WWTR1: variants seen among roughly 807,000 people sequenced by gnomAD.
WWTR1 encodes the protein WW domain-containing transcription regulator protein 1.
A neutral mutation model predicts 40.1 loss-of-function variants in WWTR1; 13 were observed. That is an observed-to-expected ratio of 0.32 (90% CI 0.21 to 0.52). The LOEUF (loss-of-function observed/expected upper bound fraction) is 0.52. Ranked by LOEUF, WWTR1 falls within the 20% of genes least tolerant of loss-of-function variation. WWTR1 has a pLI of 0.97. For missense variants in WWTR1, 436 were observed against 523.1 expected, an observed-to-expected ratio of 0.83 and a Z score of 1.63; for synonymous variants, 230 against 210.1, an observed-to-expected ratio of 1.09 and a Z score of -0.82.
At chr3:149,611,076 C>G (rs982634605) in intron 2 of WWTR1, among the ~76,000 whole-genome samples, 1 of 152,160 alleles carries the variant, frequency 6.6e-6, no homozygotes, top group Admixed American at 6.5e-5. Flanking sequence ...ATAGATTGAC[C>G]CCAGGAATTC....
At chr3:149,668,599 T>C (rs1576633320) in intron 2 of WWTR1, among the ~76,000 whole-genome samples, 1 of 39,566 alleles carries the variant, frequency 2.5e-5, no homozygotes, top group African/African-American at 7.8e-5. Context: ...CAGAGCAAGA[T>C]TGTGTCTCAA....
At chr3:149,543,290 C>A (rs1389809438) in intron 3 of WWTR1, among the ~76,000 whole-genome samples, 2 of 152,158 alleles carry the variant, frequency 1.3e-5, no homozygotes, top group Non-Finnish European at 2.9e-5. Context: ...GCATATAGAA[C>A]TTCACTTTAC....
chr3:149,702,608 G>C (rs886173001), intron 1 of WWTR1: 1 of 151,850 alleles, frequency 6.6e-6, no homozygotes, highest in Non-Finnish European at 1.5e-5. Flanking sequence ...AACAACTACT[G>C]TGATTCTTTG....
chr3:149,623,472 G>A (rs1257324019), intron 2 of WWTR1, among the ~76,000 whole-genome samples: 1 of 152,212 alleles, frequency 6.6e-6, no homozygotes, highest in African/African-American at 2.4e-5. Context: ...GCTATAAAAT[G>A]GAATTCTGGG....
chr3:149,666,624 G>C (rs1260236932), intron 2 of WWTR1, among the ~76,000 whole-genome samples: 1 of 152,108 alleles, frequency 6.6e-6, no homozygotes, highest in Non-Finnish European at 1.5e-5. Flanking sequence ...CACATGTACA[G>C]TCACACACGA....
intron 2 of WWTR1, among the ~76,000 whole-genome samples, chr3:149,583,088 C>T (rs1738230251): frequency 6.6e-6 from 1 of 152,180 alleles, no homozygotes; most frequent in Admixed American, 6.5e-5. Flanking sequence ...GCCTCAACCT[C>T]CTGAGTAGCT....
At chr3:149,682,906 T>G (rs1250652720) in intron 1 of WWTR1, among the ~76,000 whole-genome samples, 1 of 152,136 alleles carries the variant, frequency 6.6e-6, no homozygotes, top group Non-Finnish European at 1.5e-5. Flanking sequence ...CTTCCCAACT[T>G]GACTTTGGCC....
chr3:149,655,842 C>T (rs78559216), intron 2 of WWTR1, among the ~76,000 whole-genome samples: 2,003 of 152,294 alleles, frequency 0.013, 19 homozygotes, highest in Middle Eastern at 0.027. Flanking sequence ...TAAAATTGTA[C>T]ATAGTGTCTT....
chr3:149,673,521 A>G (rs959050770), intron 1 of WWTR1, among the ~76,000 whole-genome samples: 21 of 152,312 alleles, frequency 1.4e-4, no homozygotes, highest in Non-Finnish European at 2.9e-4. Flanking sequence ...TCGGAAAGGC[A>G]TGTGAAAATT....
chr3:149,563,331 G>A (rs1737170196), intron 3 of WWTR1, among the ~76,000 whole-genome samples: 1 of 152,132 alleles, frequency 6.6e-6, no homozygotes, highest in South Asian at 2.1e-4. Context: ...CACGGTTTAG[G>A]CTTACGAAGG....
chr3:149,613,580 C>T (rs894668602), intron 2 of WWTR1, among the ~76,000 whole-genome samples: 10 of 152,162 alleles, frequency 6.6e-5, no homozygotes, highest in African/African-American at 2.4e-4. Flanking sequence ...GGGTCTCACT[C>T]TGTTGCCCAG....
chr3:149,549,946 C>G (rs920938639), intron 3 of WWTR1, among the ~76,000 whole-genome samples: 2 of 152,066 alleles, frequency 1.3e-5, no homozygotes, highest in East Asian at 1.9e-4. Context: ...CTAAAGAAAT[C>G]TGAATAAAGT....
intron 2 of WWTR1, among the ~76,000 whole-genome samples, chr3:149,629,816 A>T (rs1193972468): frequency 2.0e-5 from 3 of 152,176 alleles, no homozygotes; most frequent in Non-Finnish European, 2.9e-5. Flanking sequence ...AACAATATGA[A>T]AACCATATAT....
At chr3:149,538,587 G>A (rs1735936961) in intron 4 of WWTR1, among the ~76,000 whole-genome samples, 1 of 152,190 alleles carries the variant, frequency 6.6e-6, no homozygotes, top group South Asian at 2.1e-4. Context: ...TGCATTTAAG[G>A]AAATTCTCCT....
In WWTR1 at chr3:149,589,460, C is replaced by T. The variant is rs547164585; in HGVS notation, c.432-16460G>A. Among the ~76,000 whole-genome samples, 14 of 152,198 alleles carry T rather than the reference C, an allele frequency of 9.2e-5. No homozygotes were observed. The South Asian group carries it at 1.0e-3, about 11-fold the overall frequency. On this transcript the variant is annotated intron_variant, in intron 2 of 6. Coordinates refer to ENST00000360632, the MANE Select transcript of WWTR1 (RefSeq NM_015472.6). ...AAATAATGGTTTAAATTTAGTCTGA[C>T]GACCAGCCACAAGGCTCCTTCTCAT...
intron 1 of WWTR1, among the ~76,000 whole-genome samples, chr3:149,700,393 C>A (rs1267795610): frequency 3.9e-5 from 6 of 152,210 alleles, no homozygotes; most frequent in African/African-American, 1.4e-4. Flanking sequence ...ATCCTCAAAG[C>A]CTAGCATGGT....
intron 1 of WWTR1, among the ~76,000 whole-genome samples, chr3:149,690,853 A>C (rs1036144631): frequency 2.6e-5 from 4 of 152,312 alleles, no homozygotes; most frequent in Non-Finnish European, 5.9e-5. Flanking sequence ...TCAAGAACAG[A>C]CCATTTATTA....
At chr3:149,663,044 G>GT (rs757318673) in intron 2 of WWTR1, among the ~76,000 whole-genome samples, 4 of 151,922 alleles carry the variant, frequency 2.6e-5, no homozygotes, top group Non-Finnish European at 4.4e-5. Context: ...GTTTTGTCTT[G>GT]TTTTTTCAGA....
chr3:149,676,108 C>T (rs1030714474), intron 1 of WWTR1, among the ~76,000 whole-genome samples: 16 of 152,054 alleles, frequency 1.1e-4, no homozygotes, highest in Non-Finnish European at 2.1e-4. Flanking sequence ...ACACCTAATA[C>T]CTCCAGGCGG....
Sources: allele counts gnomAD v4.1 joint callset (sites outside exome capture counted in the v4.1 genomes callset), GRCh38; gene constraint gnomAD v4.1.1; transcripts MANE v1.5; gene names NCBI Gene and HGNC (gene_info 2026-07-23, HGNC 2026-07-21).